CHD7: variants seen among roughly 807,000 people sequenced by gnomAD.
The protein encoded by CHD7 is ATP-dependent chromatin remodeler CHD7.
Under a neutral mutation model 307.3 loss-of-function variants are expected in CHD7, and 24 were observed. The observed-to-expected ratio is 0.08, with a 90% confidence interval of 0.06 to 0.11. The LOEUF (loss-of-function observed/expected upper bound fraction) is 0.11, where lower values mean the gene tolerates loss of function less well. Ranked by LOEUF, CHD7 falls within the 10% of genes least tolerant of loss-of-function variation. The pLI is 1.00. For synonymous variants in CHD7, 1,363 were observed against 1,349.9 expected (o/e 1.01, Z -0.21); for missense variants, 3,106 against 3,727.1 (o/e 0.83, Z 4.34).
chr8:60,820,213 T>C (rs1446706106), intron 9 of CHD7, 123 bp downstream of exon 9: 3 of 476,012 alleles, frequency 6.3e-6, no homozygotes, highest in African/African-American at 2.0e-5. Context: ...ACACTTGGTC[T>C]AAATTTAACT....
At chr8:60,835,890 C>G (rs1373887438) in intron 15 of CHD7, among the ~76,000 whole-genome samples, 183 bp from the exon 16 acceptor site, 6 of 152,088 alleles carry the variant, frequency 3.9e-5, no homozygotes, top group African/African-American at 1.4e-4. Context: ...AAACTTTTAC[C>G]CCTTTTGTAC....
At chr8:60,822,225 A>G in intron 11 of CHD7, 80 bp downstream of exon 11, 1 of 1,314,860 alleles carries the variant, frequency 7.6e-7, no homozygotes, top group Non-Finnish European at 1.0e-6. Flanking sequence ...ATAAAAAAGA[A>G]CTTAATGTTT....
intron 7 of CHD7, chr8:60,809,064 G>A (rs1339512395): frequency 1.3e-5 from 2 of 152,140 alleles, no homozygotes; most frequent in African/African-American, 4.8e-5. Context: ...AGGCTTTTGT[G>A]AGTTGCTGTG....
chr8:60,851,385 A>G, intron 28 of CHD7, 66 bp downstream of exon 28: 1 of 1,212,324 alleles, frequency 8.2e-7, no homozygotes, highest in Non-Finnish European at 1.2e-6. Context: ...TTCACGTGGT[A>G]GGGACTGTCC....
rs1805483984 is a variant in CHD7, at chr8:60,852,204, C to T, written c.5851C>T (p.Leu1951=). The change falls in exon 29 of 38, where the codon CTG becomes TTG. Residue 1951 remains leucine, a synonymous_variant. Transcript: ENST00000423902. The part of the protein sequence containing the change: ...RRRPREEVRA[L]EAEREAIISE... ...GCGGCCTCGAGAGGAAGTGAGAGCT[C>T]TGGAAGCGGAAAGGGAAGCTATTAT... 6.2e-7 allele frequency: 1 copy of T among 1,613,568 alleles called. No individual in the cohort carries two copies.
At chr8:60,689,834 C>T (rs966336081) in intron 1 of CHD7, among the ~76,000 whole-genome samples, 7 of 152,140 alleles carry the variant, frequency 4.6e-5, no homozygotes, top group African/African-American at 1.4e-4. Flanking sequence ...AAGACGTAGC[C>T]GACATCAAAG....
At chr8:60,806,991 C>T (rs1431031764) in intron 6 of CHD7, among the ~76,000 whole-genome samples, 2 of 152,094 alleles carry the variant, frequency 1.3e-5, no homozygotes, top group Non-Finnish European at 2.9e-5. Context: ...CACCACTCCA[C>T]TCAAGCCTGG....
intron 1 of CHD7, among the ~76,000 whole-genome samples, chr8:60,712,517 C>T (rs1417498489): frequency 6.6e-6 from 1 of 152,164 alleles, no homozygotes; most frequent in Non-Finnish European, 1.5e-5. Flanking sequence ...TCAGGCCTGC[C>T]TTGTTTATTC....
chr8:60,803,273 T>C (rs1298669443), intron 6 of CHD7, among the ~76,000 whole-genome samples: 3 of 152,214 alleles, frequency 2.0e-5, no homozygotes, highest in Non-Finnish European at 4.4e-5. Flanking sequence ...ATTCAATTGG[T>C]AGTGCTTCAG....
At position 60,838,376 on chromosome 8, in the gene CHD7, C is replaced by T. The variant is rs1177725544; in HGVS notation, c.4533+121C>T. 5 of 851,658 alleles carry T rather than the reference C, an allele frequency of 5.9e-6. No individual in the cohort carries two copies. The East Asian group carries it at 1.1e-4, about 18-fold the overall frequency. 52.8% of individuals were successfully genotyped at this position (851,658 alleles called of 1,614,324 possible). A position where few individuals can be genotyped will look rare whatever the true frequency, so the allele number is the denominator to read the frequency against. On this transcript the variant is annotated intron_variant, in intron 19 of 37. Coordinates refer to ENST00000423902, the MANE Select transcript of CHD7 (RefSeq NM_017780.4). The stretch of plus-strand genomic sequence containing the variant: ...AATTAATCAAATTAATCATTAACTC[C>T]CTGTGGAACCCCTGGCACATGAAGC...
At chr8:60,747,347 G>T (rs1809382302) in intron 2 of CHD7, among the ~76,000 whole-genome samples, 1 of 152,020 alleles carries the variant, frequency 6.6e-6, no homozygotes. Context: ...CAAAGTGCTG[G>T]GATTACAGGC....
At chr8:60,680,401 G>A (rs1337984041) in intron 1 of CHD7, among the ~76,000 whole-genome samples, 1 of 91,750 alleles carries the variant, frequency 1.1e-5, no homozygotes, top group Admixed American at 9.1e-5. Flanking sequence ...GAGGTCGCGG[G>A]GGGGGGGGGC....
intron 6 of CHD7, among the ~76,000 whole-genome samples, chr8:60,804,269 G>A (rs1228727676): frequency 6.6e-6 from 1 of 152,140 alleles, no homozygotes; most frequent in South Asian, 2.1e-4. Flanking sequence ...TAATTATTTT[G>A]TTTTCCTTGT....
In CHD7 at chr8:60,822,507, A is replaced by G. The variant is rs1441839846; in HGVS notation, c.2962A>G (p.Asn988Asp). The G allele has an allele frequency of 1.9e-6, 3 of 1,613,162 alleles. No homozygotes were observed. In the South Asian group the frequency reaches 3.3e-5, roughly 18 times the overall value. The change falls in exon 12 of 38, where the codon AAC becomes GAC. Residue 988 changes from asparagine (N) to aspartate (D), a missense_variant. Asn to Asp is a conservative substitution (Grantham distance 23). Around this residue, in one of 10 missense-constraint regions of CHD7, gnomAD observed 188 missense variants for 261.7 expected, o/e 0.72. Coordinates refer to ENST00000423902, the MANE Select transcript of CHD7 (RefSeq NM_017780.4). ...TACTTCATTTTCCTCCTAAAGGCGA[A>G]ACTGCATTTTAGCAGATGAAATGGG... ...WLLFNWYNMRNCILADEMGLG... is the reference protein window; with the variant it reads ...WLLFNWYNMRDCILADEMGLG...
chr8:60,836,363 G>T, intron 16 of CHD7, 80 bp downstream of exon 16: 2 of 1,178,878 alleles, frequency 1.7e-6, no homozygotes, highest in Admixed American at 2.5e-5. Context: ...ACCTAAAAGT[G>T]GAATCTATGA....
chr8:60,775,436 TAA>T (rs1810906687), intron 2 of CHD7, among the ~76,000 whole-genome samples: 1 of 56,692 alleles, frequency 1.8e-5, no homozygotes, highest in East Asian at 1.3e-3. Context: ...GCATTTTATA[TAA>T]AGTTATATTT....
intron 1 of CHD7, among the ~76,000 whole-genome samples, chr8:60,706,154 A>G (rs1017861): frequency 0.52 from 79,010 of 151,930 alleles, 25,057 homozygotes; most frequent in East Asian, 0.74. Context: ...CTTTTACACC[A>G]TGGTGATTAC....
At chr8:60,788,480 T>C (rs1051833589) in intron 3 of CHD7, among the ~76,000 whole-genome samples, 1 of 152,230 alleles carries the variant, frequency 6.6e-6, no homozygotes, top group Non-Finnish European at 1.5e-5. Context: ...TTATTAATAA[T>C]TCTTCATTGA....
chr8:60,783,238 C>T (rs1353137841), intron 3 of CHD7, among the ~76,000 whole-genome samples: 1 of 152,172 alleles, frequency 6.6e-6, no homozygotes, highest in East Asian at 1.9e-4. Context: ...ACTTACTTAG[C>T]ATACCCTTAC....
Sources: gnomAD v4.1 joint callset for allele counts (sites outside exome capture counted in the v4.1 genomes callset) on GRCh38, gnomAD v4.1.1 for gene constraint, gnomAD v4.1.1 regional missense constraint, MANE v1.5 for transcripts, NCBI Gene and HGNC (gene_info 2026-07-23, HGNC 2026-07-21) for gene names.